Variants in LINGO2 observed in about 807,000 individuals in gnomAD.
LINGO2 encodes leucine rich repeat and Ig domain containing 2, also known as leucine-rich repeat and immunoglobulin-like domain-containing nogo receptor-interacting protein 2.
A neutral mutation model predicts 30.6 loss-of-function variants in LINGO2; 14 were observed. The observed-to-expected ratio is 0.46, with a 90% CI of 0.30 to 0.72. The LOEUF (loss-of-function observed/expected upper bound fraction) is 0.72, where lower values mean the gene tolerates loss of function less well. LINGO2 is among the 30% of genes least tolerant of loss of function. LINGO2 has a pLI of 0.07. For synonymous variants in LINGO2, 317 were observed against 288.5 expected, an observed-to-expected ratio of 1.10 and a Z score of -1.00; for missense variants, 729 against 751.7, an observed-to-expected ratio of 0.97 and a Z score of 0.35.
At chr9:28,549,509 T>C (rs1341136685) in intron 1 of LINGO2, among the ~76,000 whole-genome samples, 1 of 152,056 alleles carries the variant, frequency 6.6e-6, no homozygotes, top group Non-Finnish European at 1.5e-5. Flanking sequence ...TATACAAGAC[T>C]TGTTCATCTA....
intron 1 of LINGO2, among the ~76,000 whole-genome samples, chr9:28,559,840 G>A (rs1166280626): frequency 6.6e-6 from 1 of 151,906 alleles, no homozygotes; most frequent in Non-Finnish European, 1.5e-5. Flanking sequence ...AAAGTTTAGT[G>A]TACCTCAACT....
At position 28,294,220 on chromosome 9, in the gene LINGO2, G is replaced by T. The variant is rs528554460; in HGVS notation, c.-87+988C>A. ...TCTTTATTTATATCCAAATAATTAT[G>T]TCAGGCTATAATTTACTGACTGAGT... On this transcript the variant is annotated intron_variant, in intron 4 of 5. Transcript: ENST00000379992. Among the ~76,000 whole-genome samples the T allele has an allele frequency of 2.0e-5, 3 of 152,174 alleles. 1 individual carries two copies. In the South Asian group the frequency reaches 6.2e-4, roughly 32 times the overall value.
chr9:28,007,917 T>A (rs564393179), intron 5 of LINGO2, among the ~76,000 whole-genome samples: 1 of 152,186 alleles, frequency 6.6e-6, no homozygotes, highest in African/African-American at 2.4e-5. Flanking sequence ...ACAAGCCTAA[T>A]GTTCAAAAAG....
intron 2 of LINGO2, among the ~76,000 whole-genome samples, chr9:28,441,957 A>G (rs1564201608): frequency 6.6e-6 from 1 of 152,152 alleles, no homozygotes; most frequent in Non-Finnish European, 1.5e-5. Context: ...TCTATTGTAC[A>G]TGCTCTTCAA....
chr9:28,008,851 G>T (rs1262641860), intron 5 of LINGO2, among the ~76,000 whole-genome samples: 1 of 152,108 alleles, frequency 6.6e-6, no homozygotes, highest in Non-Finnish European at 1.5e-5. Context: ...AAAGTGATTT[G>T]CAGATTTAAT....
At chr9:28,307,813 G>C (rs1036822261) in intron 3 of LINGO2, among the ~76,000 whole-genome samples, 2 of 152,106 alleles carry the variant, frequency 1.3e-5, no homozygotes, top group Admixed American at 1.3e-4. Context: ...CAAATCATGA[G>C]TGAACTCCTA....
At chr9:29,115,351 G>A in the LINGO2 span, among the ~76,000 whole-genome samples, 6 of 151,934 alleles carry the variant, frequency 3.9e-5, no homozygotes, top group Non-Finnish European at 7.4e-5. Flanking sequence ...TATTGGTAAT[G>A]ATCTTCCTAC....
At chr9:27,948,798 G>C in exon 6 of LINGO2, 2 of 1,553,046 alleles carry the variant, frequency 1.3e-6, no homozygotes, top group Non-Finnish European at 1.7e-6. Flanking sequence ...GTGCCATACT[G>C]TCTTACTGAT....
chr9:28,046,792 A>G (rs773017533), intron 4 of LINGO2, among the ~76,000 whole-genome samples: 16 of 152,116 alleles, frequency 1.1e-4, no homozygotes, highest in Admixed American at 2.6e-4. Flanking sequence ...AAGCTACTCA[A>G]AGTATGTGGC....
the LINGO2 span, among the ~76,000 whole-genome samples, chr9:29,110,099 C>T: frequency 0.24 from 35,895 of 152,078 alleles, 4,374 homozygotes; most frequent in East Asian, 0.41. Flanking sequence ...AAGAACTAGG[C>T]ATGGTTAGTG....
the LINGO2 span, among the ~76,000 whole-genome samples, chr9:28,980,267 T>C: frequency 5.3e-5 from 8 of 152,224 alleles, no homozygotes; most frequent in South Asian, 8.3e-4. Flanking sequence ...ACCAAGAGTA[T>C]TGCAGGAGGC....
chr9:28,879,557 T>A, the LINGO2 span, among the ~76,000 whole-genome samples: 1 of 152,220 alleles, frequency 6.6e-6, no homozygotes, highest in African/African-American at 2.4e-5. Flanking sequence ...TGCCTTTTTT[T>A]CCAGTCATTC....
chr9:28,852,157 T>C, the LINGO2 span, among the ~76,000 whole-genome samples: 1,508 of 152,056 alleles, frequency 9.9e-3, 14 homozygotes, highest in Non-Finnish European at 9.4e-3. Context: ...CTTTAATGGA[T>C]AGGGGAAGAG....
the LINGO2 span, among the ~76,000 whole-genome samples, chr9:29,080,167 T>C: frequency 6.6e-6 from 1 of 152,118 alleles, no homozygotes; most frequent in Non-Finnish European, 1.5e-5. Context: ...CCTGGTTTAG[T>C]CTTGGGAGGG....
chr9:28,643,113 C>G, intron 1 of LINGO2, among the ~76,000 whole-genome samples: 1 of 151,902 alleles, frequency 6.6e-6, no homozygotes, highest in African/African-American at 2.4e-5. Context: ...TCCATATTTC[C>G]CAAAGCAATC....
the LINGO2 span, among the ~76,000 whole-genome samples, chr9:29,066,030 T>A: frequency 2.0e-5 from 3 of 151,856 alleles, no homozygotes; most frequent in African/African-American, 7.2e-5. Context: ...CTACTTCAGA[T>A]CTGAAATTTG....
the LINGO2 span, among the ~76,000 whole-genome samples, chr9:28,922,293 A>G: frequency 6.6e-6 from 1 of 152,190 alleles, no homozygotes; most frequent in Non-Finnish European, 1.5e-5. Context: ...TTGTGACAGA[A>G]AGAATTCTAA....
the LINGO2 span, among the ~76,000 whole-genome samples, chr9:28,927,657 G>C: frequency 6.6e-6 from 1 of 152,112 alleles, no homozygotes. Flanking sequence ...TAATACACTG[G>C]ATAAATATTA....
At chr9:28,571,170 G>A (rs757466473) in intron 1 of LINGO2, among the ~76,000 whole-genome samples, 1 of 151,888 alleles carries the variant, frequency 6.6e-6, no homozygotes, top group African/African-American at 2.4e-5. Flanking sequence ...TACTTTCATG[G>A]CTGCTTATGA....
Sources: gnomAD v4.1 joint callset for allele counts (sites outside exome capture counted in the v4.1 genomes callset) on GRCh38, gnomAD v4.1.1 for gene constraint, MANE v1.5 for transcripts, NCBI Gene and HGNC (gene_info 2026-07-23, HGNC 2026-07-21) for gene names.